TXLNA: variants seen among roughly 807,000 people sequenced by gnomAD.
TXLNA encodes taxilin alpha.
TXLNA carries 9 observed loss-of-function variants against 61.4 expected under a neutral mutation model. The ratio of observed to expected loss-of-function variants is 0.15; its 90% CI spans 0.09 to 0.26. The LOEUF (loss-of-function observed/expected upper bound fraction) is 0.26, where lower values mean the gene tolerates loss of function less well. Ranked by LOEUF, TXLNA falls within the 10% of genes least tolerant of loss-of-function variation. The pLI is 1.00. For synonymous variants in TXLNA, 257 were observed against 267.7 expected, an observed-to-expected ratio of 0.96 and a Z score of 0.39; for missense variants, 565 against 688.8, an observed-to-expected ratio of 0.82 and a Z score of 2.01.
Position 32,180,481 on chromosome 1 carries a change from C to T in TXLNA, c.136C>T (p.Pro46Ser). ...QAAPAVEAEG[P>S]GSSQAPRKPE... The stretch of plus-strand genomic sequence containing the variant: ...GGCTCCTGCAGTAGAAGCAGAAGGT[C>T]CCGGCAGCAGCCAGGCTCCTCGGAA... Residue 46 changes from proline (P) to serine (S), a missense_variant, in exon 2 of 11, where the codon CCC becomes TCC. Pro to Ser is a moderately conservative substitution (Grantham distance 74, BLOSUM62 -1). Around this residue, in one of 2 missense-constraint regions of TXLNA, gnomAD observed 192 missense variants for 184.8 expected, o/e 1.04. Coordinates refer to ENST00000373610, the MANE Select transcript of TXLNA (RefSeq NM_175852.4). The T allele has an allele frequency of 6.2e-7, 1 of 1,610,168 alleles. No homozygotes were observed. Among genetic ancestry groups the T allele is most frequent in the Non-Finnish European group, 8.5e-7 (1 of 1,178,330 alleles).
In TXLNA at chr1:32,192,728, A is replaced by T; in HGVS notation, c.1155A>T (p.Gln385His). 1 of 1,614,172 alleles carries T rather than the reference A, an allele frequency of 6.2e-7. No homozygotes were observed. Among genetic ancestry groups the T allele is most frequent in the Non-Finnish European group, 8.5e-7 (1 of 1,179,990 alleles). The change falls in exon 8 of 11, where the codon CAA becomes CAT. Residue 385 changes from glutamine to histidine, a missense_variant. Gln to His is a conservative substitution (Grantham distance 24, BLOSUM62 0). This residue lies in a region of TXLNA where 373 missense variants were observed against 504.0 expected (regional missense o/e 0.74). Coordinates refer to ENST00000373610, the MANE Select transcript of TXLNA (RefSeq NM_175852.4). This position sits in a 1 kb window ranked among gnomAD's most constrained non-coding sequence, Gnocchi z 4.2. ...AGCAGCAAGAGACCCACCTGAAGCA[A>T]CAGGTGAGAGCATATAACCTGACCC... is the stretch of plus-strand genomic sequence containing the variant. ...LMKQQETHLK[Q>H]QLALYTEKFE... is the part of the protein sequence containing the mutation.
At position 32,181,429 on chromosome 1, in the gene TXLNA, G is replaced by A. The variant is rs370756917; in HGVS notation, c.357G>A (p.Arg119=). 1 of 1,614,118 alleles carries A rather than the reference G, an allele frequency of 6.2e-7. No individual in the cohort carries two copies. Among genetic ancestry groups the A allele is most frequent in the African/African-American group, 1.3e-5 (1 of 74,950 alleles). The change falls in exon 3 of 11, where the codon AGG becomes AGA. Residue 119 remains arginine, a synonymous_variant. Transcript: ENST00000373610. The stretch of plus-strand genomic sequence containing the variant: ...AGAAGTCCCGGACCTATGTGGCAAG[G>A]AATGGGGAGCCTGAACCAACTCCAG... The part of the protein sequence containing the change: ...DAEKSRTYVA[R]NGEPEPTPVV...
At chr1:32,194,309 TTC>T (rs1642967928) in intron 10 of TXLNA, 149 bp downstream of exon 10, 2 of 682,802 alleles carry the variant, frequency 2.9e-6, no homozygotes, top group Non-Finnish European at 5.0e-6. Context: ...GTTAATGCTG[TTC>T]TCTCCCCATG....
At chr1:32,194,837 C>T (rs1642981972) in intron 10 of TXLNA, 65 bp from the exon 11 acceptor site, 1 of 1,527,964 alleles carries the variant, frequency 6.5e-7, no homozygotes, top group Non-Finnish European at 8.8e-7. Flanking sequence ...TGTTTGCCGC[C>T]AAGTGGTGAT....
In TXLNA at chr1:32,194,950, C is replaced by T. The variant is rs1324639217; in HGVS notation, c.1396C>T (p.Arg466Trp). Reference sequence around the variant, plus strand: ...GGAGGGCCTGCAGGTAAAAATCCAACGGCTGGAGAAGCTGTGCCGGGCACT... The same window carrying T: ...GGAGGGCCTGCAGGTAAAAATCCAATGGCTGGAGAAGCTGTGCCGGGCACT... ...ELEGLQVKIQ[R>W]LEKLCRALQT... Residue 466 changes from arginine to tryptophan, a missense_variant, in exon 11 of 11, where the codon CGG (arginine) becomes TGG (tryptophan). Arg to Trp is a moderately radical substitution (Grantham distance 101). This residue lies in a region of TXLNA where 373 missense variants were observed against 504.0 expected (regional missense o/e 0.74). Coordinates refer to ENST00000373610, the MANE Select transcript of TXLNA (RefSeq NM_175852.4). The T allele has an allele frequency of 3.7e-6, 6 of 1,613,738 alleles. No individual in the cohort carries two copies. Among genetic ancestry groups the T allele is most frequent in the Non-Finnish European group, 5.1e-6 (6 of 1,179,870 alleles).
chr1:32,180,101 C>A, intron 1 of TXLNA: 1 of 465,512 alleles, frequency 2.1e-6, no homozygotes. Flanking sequence ...GAGGCCTCTT[C>A]CCTCACCCGC....
rs1268795542 is a variant in TXLNA at position 32,181,590 on chromosome 1, C to T, written c.505+13C>T. ...GCCAAGGGTTTGGGTGAGCAGAGGGCGGCTCTTTGTGAAGCTGGTGAGGAG... is the reference window on the plus strand; with the variant it reads ...GCCAAGGGTTTGGGTGAGCAGAGGGTGGCTCTTTGTGAAGCTGGTGAGGAG... On this transcript the variant is annotated intron_variant, in intron 3 of 10. Coordinates refer to ENST00000373610, the MANE Select transcript of TXLNA (RefSeq NM_175852.4). 7 of 1,511,482 alleles carry T rather than the reference C, an allele frequency of 4.6e-6. No individual in the cohort carries two copies. Among genetic ancestry groups the T allele is most frequent in the Non-Finnish European group, 6.2e-6 (7 of 1,126,882 alleles). The allele number at this position is 1,511,482 out of a possible 1,614,324, so 93.6% of individuals were successfully genotyped here. A position where few individuals can be genotyped will look rare whatever the true frequency, so the allele number is the denominator to read the frequency against.
At chr1:32,185,387 T>C (rs1642760516) in intron 4 of TXLNA, among the ~76,000 whole-genome samples, 1 of 141,968 alleles carries the variant, frequency 7.0e-6, no homozygotes, top group Non-Finnish European at 1.6e-5. Flanking sequence ...TGTATGTATG[T>C]ATTTATTTAT....
chr1:32,180,076 T>A (rs976813774), intron 1 of TXLNA: 94 of 316,342 alleles, frequency 3.0e-4, no homozygotes, highest in African/African-American at 1.7e-3. Flanking sequence ...TGCCGGGAAG[T>A]GGCTCCAGGG....
rs765475756 is a variant in TXLNA, at chr1:32,192,682, A to G, written c.1109A>G (p.Gln370Arg). The change falls in exon 8 of 11, where the codon CAG becomes CGG. Residue 370 changes from glutamine (Q) to arginine (R), a missense_variant. By Grantham distance (43) the Gln-to-Arg change is conservative. This residue lies in a region of TXLNA where 373 missense variants were observed against 504.0 expected (regional missense o/e 0.74). Coordinates refer to ENST00000373610, the MANE Select transcript of TXLNA (RefSeq NM_175852.4). This position sits in a 1 kb window ranked among gnomAD's most constrained non-coding sequence, Gnocchi z 4.2. ...CTCCTGAAAGAGGCAGTAGAGTCCC[A>G]GAGGATGTGTGAGCTGATGAAGCAG... ...DFLLKEAVESQRMCELMKQQE... is the reference protein window; with the variant it reads ...DFLLKEAVESRRMCELMKQQE... 1 of 1,614,100 alleles carries G rather than the reference A, an allele frequency of 6.2e-7. No individual in the cohort carries two copies. The highest frequency in any genetic ancestry group is 1.3e-5 in the African/African-American group (1 of 74,948).
Position 32,188,141 on chromosome 1 carries a change from T to C in TXLNA, c.768+17T>C. ...TCCCTCAAGGTAGGCCTGGGCCCCC[T>C]GGAACAGGTGACTCTGGTTTCCTTG... is the stretch of plus-strand genomic sequence containing the variant. On this transcript the variant is annotated intron_variant, in intron 5 of 10. Transcript: ENST00000373610. The C allele has an allele frequency of 6.5e-7, 1 of 1,526,974 alleles. No individual in the cohort carries two copies. Among genetic ancestry groups the C allele is most frequent in the South Asian group, 1.2e-5 (1 of 83,190 alleles). The allele number at this position is 1,526,974 out of a possible 1,614,324, so 94.6% of individuals were successfully genotyped here.
intron 4 of TXLNA, among the ~76,000 whole-genome samples, chr1:32,185,558 ATTTTTTT>A (rs755164801): frequency 1.2e-5 from 1 of 82,798 alleles, no homozygotes; most frequent in Non-Finnish European, 2.5e-5. Context: ...ATGCTAGGCT[ATTTTTTT>A]TTTTTTTTTT....
At chr1:32,194,021 G>T in intron 9 of TXLNA, 44 bp from the exon 10 acceptor site, 2 of 1,533,136 alleles carry the variant, frequency 1.3e-6, no homozygotes, top group Non-Finnish European at 1.8e-6. Flanking sequence ...AGACCTTGGA[G>T]AGGCCAGCTC....
chr1:32,189,766 C>T (rs1642864964), intron 5 of TXLNA, among the ~76,000 whole-genome samples: 1 of 152,164 alleles, frequency 6.6e-6, no homozygotes, highest in Non-Finnish European at 1.5e-5. Flanking sequence ...TGGTCTCAAA[C>T]TCCTGACCTC....
rs1643012905 is a variant in TXLNA at position 32,195,966 on chromosome 1, T to C, written c.*771T>C. The stretch of plus-strand genomic sequence containing the variant: ...TTATTTCTGAAGGTGTTTTTTTCTT[T>C]ATTTCTTTTTCTTTTTTTTTTTTTT... On this transcript the variant is annotated 3_prime_UTR_variant, in exon 11 of 11. Transcript: ENST00000373610. 1 of 197,572 alleles carries C rather than the reference T, an allele frequency of 5.1e-6. No homozygotes were observed. The highest frequency in any genetic ancestry group is 1.1e-5 in the Non-Finnish European group (1 of 94,678). The allele number at this position is 197,572 out of a possible 1,614,324, so 12.2% of individuals were successfully genotyped here.
At chr1:32,186,100 T>A (rs1271424684) in intron 4 of TXLNA, among the ~76,000 whole-genome samples, 2 of 152,242 alleles carry the variant, frequency 1.3e-5, no homozygotes, top group Admixed American at 1.3e-4. Flanking sequence ...CATACCTGCC[T>A]AATGACATTC....
chr1:32,182,121 T>TTA (rs1553134507), intron 3 of TXLNA, among the ~76,000 whole-genome samples: 13 of 148,346 alleles, frequency 8.8e-5, no homozygotes, highest in Non-Finnish European at 1.0e-4. Context: ...TTTTTTTTTT[T>TTA]AAATAAAGAA....
At position 32,192,368 on chromosome 1, in the gene TXLNA, C is replaced by A; in HGVS notation, c.1021C>A (p.Leu341Ile). 6.2e-7 allele frequency: 1 copy of A among 1,614,264 alleles called. No individual in the cohort carries two copies. Among genetic ancestry groups the A allele is most frequent in the Non-Finnish European group, 8.5e-7 (1 of 1,180,042 alleles). Residue 341 changes from leucine to isoleucine, a missense_variant, in exon 7 of 11, where the codon CTC (leucine) becomes ATC (isoleucine). By Grantham distance (5) the Leu-to-Ile change is conservative (BLOSUM62 2). Coordinates refer to ENST00000373610, the MANE Select transcript of TXLNA (RefSeq NM_175852.4). This position sits in a 1 kb window ranked among gnomAD's most constrained non-coding sequence, Gnocchi z 4.2. ...DLQQQLVDAK[L>I]QQAQEMLKEA... ...ACAACAGCAGCTGGTGGATGCCAAG[C>A]TCCAGCAGGCCCAGGAGATGCTAAA...
Position 32,188,066 on chromosome 1 carries a change from C to T in TXLNA, c.710C>T (p.Ala237Val), listed in dbSNP as rs1378652693. ...GGTGAGCACAGCAAGGCCGTCCTGGCCCGCAGCAAGCTTGAGAGCCTATGC... is the reference window on the plus strand; with the variant it reads ...GGTGAGCACAGCAAGGCCGTCCTGGTCCGCAGCAAGCTTGAGAGCCTATGC... ...LRGEHSKAVL[A>V]RSKLESLCRE... The change falls in exon 5 of 11, where the codon GCC becomes GTC. Residue 237 changes from alanine (A) to valine (V), a missense_variant. Ala to Val is a moderately conservative substitution (Grantham distance 64). This residue lies in a region of TXLNA where 373 missense variants were observed against 504.0 expected (regional missense o/e 0.74). Coordinates refer to ENST00000373610, the MANE Select transcript of TXLNA (RefSeq NM_175852.4). The T allele has an allele frequency of 1.3e-6, 2 of 1,594,414 alleles. No individual in the cohort carries two copies. The highest frequency in any genetic ancestry group is 8.5e-7 in the Non-Finnish European group (1 of 1,170,278).
Sources: gnomAD v4.1 joint callset for allele counts (sites outside exome capture counted in the v4.1 genomes callset) on GRCh38, gnomAD v4.1.1 for gene constraint, gnomAD v4.1.1 regional missense constraint, Gnocchi (gnomAD v3.1) non-coding constraint, MANE v1.5 for transcripts, NCBI Gene and HGNC (gene_info 2026-07-23, HGNC 2026-07-21) for gene names.